SEMA6D: variants seen among roughly 807,000 people sequenced by gnomAD.
The protein encoded by SEMA6D is semaphorin 6D.
In SEMA6D, 35 loss-of-function variants were observed where a neutral mutation model predicts 106.6. That is an observed-to-expected ratio of 0.33 (90% CI 0.25 to 0.44). SEMA6D has a LOEUF of 0.44. SEMA6D is among the 20% of genes least tolerant of loss of function. The probability of loss-of-function intolerance (pLI) is 1.00; values close to 1 mark genes in which losing one functional copy is unlikely to be tolerated. For missense variants in SEMA6D, 1,185 were observed against 1,345.9 expected (o/e 0.88, Z 1.87); for synonymous variants, 499 against 487.7 (o/e 1.02, Z -0.31).
At chr15:47,554,246 G>C (rs146035717) in intron 3 of SEMA6D, among the ~76,000 whole-genome samples, 1 of 152,284 alleles carries the variant, frequency 6.6e-6, no homozygotes, top group African/African-American at 2.4e-5. Flanking sequence ...CGTAGCCTCT[G>C]TACATTCTGG....
At chr15:47,436,768 AAT>A (rs535187294) in intron 2 of SEMA6D, among the ~76,000 whole-genome samples, 30,042 of 124,786 alleles carry the variant, frequency 0.24, 3,555 homozygotes, top group East Asian at 0.47. Context: ...TAAAAAAAAA[AAT>A]ATATATATAT....
intron 1 of SEMA6D, among the ~76,000 whole-genome samples, chr15:47,257,327 G>A (rs2033861286): frequency 6.6e-6 from 1 of 152,126 alleles, no homozygotes; most frequent in Non-Finnish European, 1.5e-5. Context: ...AAAGTTCTGG[G>A]ATTACAGGCG....
At chr15:47,477,526 AATC>A (rs2043035761) in intron 3 of SEMA6D, among the ~76,000 whole-genome samples, 2 of 152,332 alleles carry the variant, frequency 1.3e-5, no homozygotes, top group South Asian at 4.1e-4. Flanking sequence ...TAAGGATTGA[AATC>A]ATCATTTTAT....
At chr15:47,497,381 C>A (rs2043703580) in intron 3 of SEMA6D, among the ~76,000 whole-genome samples, 1 of 151,876 alleles carries the variant, frequency 6.6e-6, no homozygotes, top group African/African-American at 2.4e-5. Context: ...TTTGTTCCTT[C>A]CCTTCAGTGA....
intron 2 of SEMA6D, among the ~76,000 whole-genome samples, chr15:47,457,014 C>A (rs2042365494): frequency 6.6e-6 from 1 of 151,932 alleles, no homozygotes; most frequent in African/African-American, 2.4e-5. Context: ...GTGAAACAGT[C>A]TCAAGAGATC....
intron 1 of SEMA6D, among the ~76,000 whole-genome samples, chr15:47,298,271 G>C (rs2142963505): frequency 6.6e-6 from 1 of 152,194 alleles, no homozygotes; most frequent in East Asian, 1.9e-4. Flanking sequence ...AGGTGTGGTT[G>C]TCAGTGACCG....
chr15:47,249,473 A>G (rs1334558180), intron 1 of SEMA6D, among the ~76,000 whole-genome samples: 1 of 151,720 alleles, frequency 6.6e-6, no homozygotes, highest in Non-Finnish European at 1.5e-5. Context: ...TTCCTCATCA[A>G]CCACCCCCCT....
chr15:47,720,147 T>G (rs1383067364), intron 1 of SEMA6D, among the ~76,000 whole-genome samples: 1 of 152,242 alleles, frequency 6.6e-6, no homozygotes, highest in Non-Finnish European at 1.5e-5. Flanking sequence ...CAGACTGTTT[T>G]CTTTCATTGG....
intron 1 of SEMA6D, among the ~76,000 whole-genome samples, chr15:47,317,445 C>T (rs536193639): frequency 1.3e-5 from 2 of 152,056 alleles, no homozygotes; most frequent in Non-Finnish European, 2.9e-5. Context: ...TTCACTTATC[C>T]TTCTCTAGTG....
intron 4 of SEMA6D, among the ~76,000 whole-genome samples, chr15:47,635,556 C>T (rs1484555279): frequency 6.6e-6 from 1 of 152,162 alleles, no homozygotes; most frequent in African/African-American, 2.4e-5. Flanking sequence ...AATACATGGT[C>T]AGTCAGAAGT....
intron 1 of SEMA6D, among the ~76,000 whole-genome samples, chr15:47,228,095 A>C (rs1371532734): frequency 1.4e-5 from 2 of 143,418 alleles, no homozygotes; most frequent in Non-Finnish European, 3.0e-5. Context: ...TCCATACATC[A>C]TATATTTTAT....
At chr15:47,455,270 A>G (rs2042313912) in intron 2 of SEMA6D, among the ~76,000 whole-genome samples, 1 of 151,892 alleles carries the variant, frequency 6.6e-6, no homozygotes, top group Non-Finnish European at 1.5e-5. Context: ...TCACCCCTAT[A>G]TGTCCCTCTT....
intron 1 of SEMA6D, among the ~76,000 whole-genome samples, chr15:47,722,862 C>T (rs2079505768): frequency 6.6e-6 from 1 of 152,168 alleles, no homozygotes; most frequent in African/African-American, 2.4e-5. Context: ...TTGGTTATAT[C>T]ATATAACCCT....
chr15:47,407,409 C>CAAAAAAAAAAAAAA (rs1323921492), intron 1 of SEMA6D, among the ~76,000 whole-genome samples: 1 of 118,864 alleles, frequency 8.4e-6, no homozygotes, highest in Non-Finnish European at 1.7e-5. Flanking sequence ...ACAACAACAA[C>CAAAAAAAAAAAAAA]AAAAAAAACA....
At chr15:47,227,433 C>CTTTCTTTCTTTCTTTCTTTCTT (rs1555407194) in intron 1 of SEMA6D, among the ~76,000 whole-genome samples, 2 of 144,712 alleles carry the variant, frequency 1.4e-5, no homozygotes, top group South Asian at 4.3e-4. Flanking sequence ...TTCTTTCTTT[C>CTTTCTTTCTTTCTTTCTTTCTT]TTTCTTTTCT....
At chr15:47,700,259 T>A (rs2078782505) in intron 4 of SEMA6D, among the ~76,000 whole-genome samples, 1 of 152,226 alleles carries the variant, frequency 6.6e-6, no homozygotes, top group African/African-American at 2.4e-5. Context: ...CAAGCTATTT[T>A]GTAAACATCA....
At chr15:47,328,284 C>T (rs887751783) in intron 1 of SEMA6D, among the ~76,000 whole-genome samples, 18 of 152,196 alleles carry the variant, frequency 1.2e-4, no homozygotes, top group African/African-American at 2.9e-4. Context: ...GCCAAGTTGA[C>T]GTGAATTCTA....
At chr15:47,201,933 T>A (rs1160676091) in intron 1 of SEMA6D, among the ~76,000 whole-genome samples, 1 of 152,098 alleles carries the variant, frequency 6.6e-6, no homozygotes, top group African/African-American at 2.4e-5. Context: ...AAACCTCTGC[T>A]GGCTTTTTTG....
intron 1 of SEMA6D, among the ~76,000 whole-genome samples, chr15:47,394,798 C>T (rs926411600): frequency 2.6e-5 from 4 of 152,068 alleles, no homozygotes; most frequent in African/African-American, 4.8e-5. Flanking sequence ...GGAAGCAGAC[C>T]GCCACACGTG....
Sources: gnomAD v4.1 joint callset for allele counts (sites outside exome capture counted in the v4.1 genomes callset) on GRCh38, gnomAD v4.1.1 for gene constraint, MANE v1.5 for transcripts, NCBI Gene and HGNC (gene_info 2026-07-23, HGNC 2026-07-21) for gene names.